The following ANO3 variants were observed in gnomAD, a reference collection of about 807,000 sequenced individuals.
ANO3 encodes anoctamin 3.
A neutral mutation model predicts 144.8 loss-of-function variants in ANO3; 99 were observed. The ratio of observed to expected loss-of-function variants is 0.68; its 90% CI spans 0.58 to 0.81. The LOEUF is 0.81. Among genes scored for constraint, ANO3 ranks in the 30% least tolerant of loss-of-function variants. The pLI, the probability that ANO3 is intolerant of heterozygous loss-of-function variation, is 0.00. For synonymous variants in ANO3, 414 were observed against 392.6 expected, an observed-to-expected ratio of 1.05 and a Z score of -0.64; for missense variants, 905 against 1,202.2, an observed-to-expected ratio of 0.75 and a Z score of 3.66.
chr11:26,309,579 T>C, upstream of ANO3: 1 of 775,434 alleles, frequency 1.3e-6, no homozygotes, highest in Non-Finnish European at 1.6e-6. Flanking sequence ...GATAATTTTC[T>C]ACTCTCTTTC....
chr11:26,517,241 CTT>C (rs1861898641), intron 6 of ANO3, among the ~76,000 whole-genome samples: 2 of 151,922 alleles, frequency 1.3e-5, no homozygotes, highest in South Asian at 4.1e-4. Flanking sequence ...GGGCAGAACT[CTT>C]TTTAGTTTTG....
Position 26,656,204 on chromosome 11 carries a change from A to G in ANO3, c.2656A>G (p.Arg886Gly), listed in dbSNP as rs1460196992. The change falls in exon 25 of 27, where the codon AGG (arginine) becomes GGG (glycine). Residue 886 changes from arginine to glycine, a missense_variant and splice_region_variant. Arg to Gly is a moderately radical substitution (Grantham distance 125). This residue lies in a region of ANO3 where 597 missense variants were observed against 865.1 expected (regional missense o/e 0.69). Transcript: ENST00000256737. ...TGGTATGGGAAAATCTGGTTATTGC[A>G]GGTACTTATAATAGTTATCTTTCCT... ...ELGMGKSGYC[R>G]YRDYRGPPWS... The G allele has an allele frequency of 6.2e-7, 1 of 1,611,650 alleles. No individual in the cohort carries two copies. The highest frequency in any genetic ancestry group is 8.5e-7 in the Non-Finnish European group (1 of 1,177,926).
At chr11:26,447,811 T>G (rs1008761878) in intron 3 of ANO3, among the ~76,000 whole-genome samples, 3 of 152,216 alleles carry the variant, frequency 2.0e-5, no homozygotes, top group Non-Finnish European at 4.4e-5. Flanking sequence ...TGCTGACCCT[T>G]GTAGCAGTGA....
chr11:26,377,792 AC>A (rs776077543), intron 1 of ANO3, among the ~76,000 whole-genome samples: 6 of 152,142 alleles, frequency 3.9e-5, no homozygotes, highest in Admixed American at 2.0e-4. Flanking sequence ...AGAAATGATT[AC>A]CTACAAATAA....
At chr11:26,625,347 AATT>A (rs1179917527) in intron 18 of ANO3, among the ~76,000 whole-genome samples, 1 of 152,192 alleles carries the variant, frequency 6.6e-6, no homozygotes, top group East Asian at 1.9e-4. Context: ...TACAAGTATG[AATT>A]ATTAAGACTT....
chr11:26,229,686 C>T (rs1457800407), intron 1 of ANO3, among the ~76,000 whole-genome samples: 1 of 151,898 alleles, frequency 6.6e-6, no homozygotes, highest in Non-Finnish European at 1.5e-5. Flanking sequence ...AGCAACATTT[C>T]CTGGGTCGAC....
intron 12 of ANO3, among the ~76,000 whole-genome samples, chr11:26,547,811 A>G (rs1466697722): frequency 6.6e-6 from 1 of 152,020 alleles, no homozygotes; most frequent in Non-Finnish European, 1.5e-5. Context: ...TATATACCAT[A>G]TAATTCAAAA....
intron 4 of ANO3, among the ~76,000 whole-genome samples, chr11:26,465,576 C>T (rs1859575002): frequency 6.6e-6 from 1 of 151,816 alleles, no homozygotes; most frequent in South Asian, 2.1e-4. Context: ...TATTAAATTA[C>T]AGAAAACAAA....
chr11:26,649,926 G>A (rs1853473947), intron 24 of ANO3, among the ~76,000 whole-genome samples: 1 of 152,066 alleles, frequency 6.6e-6, no homozygotes, highest in Admixed American at 6.6e-5. Flanking sequence ...GGCTTGTTAG[G>A]GAGCCCTCTT....
chr11:26,224,115 G>C (rs1043551533), intron 1 of ANO3, among the ~76,000 whole-genome samples: 1 of 152,092 alleles, frequency 6.6e-6, no homozygotes, highest in African/African-American at 2.4e-5. Context: ...CCTGACTCAT[G>C]CCCTCCTTCC....
Position 26,555,420 on chromosome 11 carries a change from A to G in ANO3, c.1386+2075A>G, listed in dbSNP as rs149611389. Among the ~76,000 whole-genome samples, 34 of 152,310 alleles carry G rather than the reference A, an allele frequency of 2.2e-4. No homozygotes were observed. The East Asian group carries it at 5.6e-3, about 25-fold the overall frequency. On this transcript the variant is annotated intron_variant, in intron 13 of 26. Transcript: ENST00000256737. ...AACACTGAAGACAAGAAATATCCAC[A>G]TATGGCAGAGTGATAAAGTAAGGAA...
At chr11:26,518,896 G>T (rs1245253646) in intron 6 of ANO3, among the ~76,000 whole-genome samples, 1 of 151,952 alleles carries the variant, frequency 6.6e-6, no homozygotes, top group Non-Finnish European at 1.5e-5. Flanking sequence ...GTGGGATTGT[G>T]GTTCTCAGTT....
intron 1 of ANO3, among the ~76,000 whole-genome samples, chr11:26,277,156 C>A (rs1485747607): frequency 6.6e-6 from 1 of 151,988 alleles, no homozygotes; most frequent in Non-Finnish European, 1.5e-5. Context: ...AAATATCCTT[C>A]ATGTGATTTT....
intron 21 of ANO3, 119 bp downstream of exon 21, chr11:26,639,360 T>G: frequency 1.4e-6 from 1 of 690,186 alleles, no homozygotes; most frequent in Admixed American, 2.2e-5. Context: ...GCTCAATTCC[T>G]GTTCTGCTCC....
At chr11:26,429,837 C>G (rs1858027420) in intron 1 of ANO3, among the ~76,000 whole-genome samples, 1 of 152,002 alleles carries the variant, frequency 6.6e-6, no homozygotes, top group African/African-American at 2.4e-5. Flanking sequence ...TAGAAAGTAC[C>G]TGTCTTCATA....
intron 1 of ANO3, among the ~76,000 whole-genome samples, chr11:26,424,326 C>T (rs1442448063): frequency 2.0e-5 from 3 of 151,142 alleles, no homozygotes; most frequent in African/African-American, 7.4e-5. Context: ...TAACATGTCA[C>T]TTCTTCTGAG....
At chr11:26,586,354 CTTTTTTTTTTTT>C (rs143903766) in intron 14 of ANO3, among the ~76,000 whole-genome samples, 1 of 125,676 alleles carries the variant, frequency 8.0e-6, no homozygotes, top group African/African-American at 3.0e-5. Flanking sequence ...CTCCTGTATT[CTTTTTTTTTTTT>C]TTTTTTTTTG....
intron 1 of ANO3, among the ~76,000 whole-genome samples, chr11:26,256,653 C>T (rs1461398): frequency 0.36 from 54,297 of 151,874 alleles, 9,839 homozygotes; most frequent in South Asian, 0.39. Context: ...GATATAGTGG[C>T]TTAACAGGTT....
intron 14 of ANO3, chr11:26,563,289 G>A: frequency 6.4e-7 from 1 of 1,563,728 alleles, no homozygotes; most frequent in East Asian, 2.3e-5. Context: ...AAAATTTAAA[G>A]AAATATAAAA....
Sources: gnomAD v4.1 joint callset for allele counts (sites outside exome capture counted in the v4.1 genomes callset) on GRCh38, gnomAD v4.1.1 for gene constraint, gnomAD v4.1.1 regional missense constraint, MANE v1.5 for transcripts, NCBI Gene and HGNC (gene_info 2026-07-23, HGNC 2026-07-21) for gene names.